The following EIF2B3 variants were observed in gnomAD, a reference collection of about 807,000 sequenced individuals.
EIF2B3 encodes the protein translation initiation factor eIF2B subunit gamma.
In EIF2B3, 20 loss-of-function variants were observed where a neutral mutation model predicts 54.1. That is an observed-to-expected ratio of 0.37 (90% CI 0.26 to 0.54). The LOEUF (loss-of-function observed/expected upper bound fraction) is 0.54. EIF2B3 is among the 20% of genes least tolerant of loss of function. The probability of loss-of-function intolerance (pLI) is 0.86; values close to 1 mark genes in which losing one functional copy is unlikely to be tolerated. For missense variants in EIF2B3, 448 were observed against 547.8 expected, an observed-to-expected ratio of 0.82 and a Z score of 1.82; for synonymous variants, 153 against 188.1, an observed-to-expected ratio of 0.81 and a Z score of 1.52.
chr1:44,975,253 T>C (rs1644441118), intron 3 of EIF2B3, among the ~76,000 whole-genome samples: 1 of 151,958 alleles, frequency 6.6e-6, no homozygotes, highest in Non-Finnish European at 1.5e-5. Context: ...CAAAACTCAG[T>C]TGAGAGAAAT....
At chr1:44,896,506 CA>C (rs1374757442) in intron 6 of EIF2B3, among the ~76,000 whole-genome samples, 1 of 152,186 alleles carries the variant, frequency 6.6e-6, no homozygotes, top group East Asian at 1.9e-4. Context: ...CTCAGGTTCT[CA>C]AATTCTTTTC....
rs1422208310 is a variant in EIF2B3, at chr1:44,910,648, TTTTTTTTTTA to T, written c.567-13214_567-13205del. On this transcript the variant is annotated intron_variant, in intron 5 of 11. Transcript: ENST00000360403. ...AAGTAATGCTTTTTTTTTTTTTTTT[TTTTTTTTTTA>T]AAAGAGAGAAATGGGTCTTGCTATG... Among the ~76,000 whole-genome samples, 537 of 123,508 alleles carry T rather than the reference TTTTTTTTTTA, an allele frequency of 4.3e-3. 8 individuals are homozygous for T. The highest frequency in any genetic ancestry group is 0.018 in the African/African-American group (500 of 27,496). The allele number at this position is 123,508 out of a possible 152,430, so 81.0% of individuals were successfully genotyped here.
intron 5 of EIF2B3, chr1:44,925,331 A>C (rs1643830371): frequency 1.3e-5 from 2 of 152,246 alleles, no homozygotes; most frequent in African/African-American, 4.8e-5. Context: ...GGCTACATAC[A>C]TACAACGGAG....
chr1:44,890,533 G>A (rs907285540), intron 6 of EIF2B3, among the ~76,000 whole-genome samples: 9 of 152,258 alleles, frequency 5.9e-5, no homozygotes, highest in Non-Finnish European at 1.0e-4. Flanking sequence ...AAGATTATTG[G>A]TAAAATAAAG....
At chr1:44,852,213 C>T (rs534009529) in intron 11 of EIF2B3, among the ~76,000 whole-genome samples, 1 of 151,120 alleles carries the variant, frequency 6.6e-6, no homozygotes, top group East Asian at 2.0e-4. Flanking sequence ...ATCTGCCCTG[C>T]CTTGGCCTCC....
chr1:44,927,781 T>C (rs751412539), intron 4 of EIF2B3, among the ~76,000 whole-genome samples: 1 of 152,156 alleles, frequency 6.6e-6, no homozygotes, highest in African/African-American at 2.4e-5. Context: ...GAAAATCATA[T>C]CTGCAACTTA....
intron 4 of EIF2B3, among the ~76,000 whole-genome samples, chr1:44,936,347 A>C (rs1297273579): frequency 2.0e-5 from 3 of 151,890 alleles, no homozygotes; most frequent in Non-Finnish European, 4.4e-5. Context: ...TGGGAGGCCA[A>C]GGCGGGTGGA....
At chr1:44,919,883 C>CTTTTTTTTTTTTTT (rs1194645004) in intron 5 of EIF2B3, among the ~76,000 whole-genome samples, 6,289 of 115,912 alleles carry the variant, frequency 0.054, 416 homozygotes, top group Non-Finnish European at 0.086. Context: ...TGCCTGGCTA[C>CTTTTTTTTTTTTTT]TTTTTTTTTT....
chr1:44,898,196 T>A (rs1453959201), intron 5 of EIF2B3, among the ~76,000 whole-genome samples: 7 of 152,170 alleles, frequency 4.6e-5, no homozygotes, highest in Non-Finnish European at 8.8e-5. Context: ...CTATGAATAA[T>A]CCTAACTTGC....
chr1:44,944,657 C>T (rs1010197002), intron 3 of EIF2B3, among the ~76,000 whole-genome samples: 2 of 151,992 alleles, frequency 1.3e-5, no homozygotes, highest in African/African-American at 4.8e-5. Context: ...TTTAAATTAG[C>T]AAATAAAATT....
intron 10 of EIF2B3, among the ~76,000 whole-genome samples, chr1:44,862,211 C>G (rs141522102): frequency 6.6e-6 from 1 of 152,192 alleles, no homozygotes; most frequent in Admixed American, 6.6e-5. Context: ...CAGGTTGGCA[C>G]GAAGCACTCC....
chr1:44,971,354 A>G (rs1270234735), intron 3 of EIF2B3, among the ~76,000 whole-genome samples: 1 of 148,076 alleles, frequency 6.8e-6, no homozygotes, highest in Non-Finnish European at 1.5e-5. Context: ...TGGGCTACAG[A>G]GCGAGACTCC....
chr1:44,901,288 G>A (rs1643292634), intron 5 of EIF2B3, among the ~76,000 whole-genome samples: 1 of 152,064 alleles, frequency 6.6e-6, no homozygotes, highest in Non-Finnish European at 1.5e-5. Context: ...ACTAATTTTT[G>A]TATTTTCAGT....
chr1:44,869,885 G>A (rs1654909309), intron 10 of EIF2B3, among the ~76,000 whole-genome samples: 1 of 152,046 alleles, frequency 6.6e-6, no homozygotes, highest in African/African-American at 2.4e-5. Context: ...AAATATAGAA[G>A]ACGAAGAATG....
chr1:44,870,283 C>G (rs959113801), intron 10 of EIF2B3, among the ~76,000 whole-genome samples: 1 of 152,068 alleles, frequency 6.6e-6, no homozygotes, highest in African/African-American at 2.4e-5. Context: ...AAGCTCTAAC[C>G]ACAAACTGAA....
At chr1:44,891,096 T>A (rs78423473) in intron 6 of EIF2B3, among the ~76,000 whole-genome samples, 15 of 152,278 alleles carry the variant, frequency 9.9e-5, no homozygotes, top group African/African-American at 3.6e-4. Flanking sequence ...GAGACTTTTT[T>A]TAAATTTTTA....
chr1:44,971,106 G>A (rs561520868), intron 3 of EIF2B3, among the ~76,000 whole-genome samples: 87 of 152,320 alleles, frequency 5.7e-4, no homozygotes, highest in East Asian at 7.7e-4. Context: ...AGTCATGGCC[G>A]GGCGCAGTGG....
intron 5 of EIF2B3, among the ~76,000 whole-genome samples, chr1:44,923,150 ATTATTTCAT>A (rs1643785829): frequency 3.3e-5 from 5 of 152,136 alleles, no homozygotes; most frequent in Admixed American, 2.6e-4. Context: ...CAAATACAAG[ATTATTTCAT>A]CTGCAAACAC....
At chr1:44,911,350 A>C (rs538574539) in intron 5 of EIF2B3, among the ~76,000 whole-genome samples, 1 of 152,222 alleles carries the variant, frequency 6.6e-6, no homozygotes, top group Non-Finnish European at 1.5e-5. Context: ...AAATCTGCCA[A>C]CAACTAAAAA....
Sources: gnomAD v4.1 joint callset for allele counts (sites outside exome capture counted in the v4.1 genomes callset) on GRCh38, gnomAD v4.1.1 for gene constraint, MANE v1.5 for transcripts, NCBI Gene and HGNC (gene_info 2026-07-23, HGNC 2026-07-21) for gene names.